TBC1D5: variants seen among roughly 807,000 people sequenced by gnomAD.
TBC1D5 encodes TBC1 domain family member 5, also known as TBC1 domain family, member 5.
In TBC1D5, 75 loss-of-function variants were observed where a neutral mutation model predicts 100.3. The observed-to-expected ratio is 0.75, with a 90% CI of 0.62 to 0.91. TBC1D5 has a LOEUF of 0.91. TBC1D5 is among the 40% of genes least tolerant of loss of function. The pLI, the probability that TBC1D5 is intolerant of heterozygous loss-of-function variation, is 0.00. For synonymous variants in TBC1D5, 323 were observed against 325.6 expected, an observed-to-expected ratio of 0.99 and a Z score of 0.09; for missense variants, 910 against 942.4, an observed-to-expected ratio of 0.97 and a Z score of 0.45.
intron 4 of TBC1D5, among the ~76,000 whole-genome samples, chr3:17,407,918 C>A (rs778944360): frequency 2.2e-4 from 34 of 152,084 alleles, no homozygotes; most frequent in Non-Finnish European, 4.3e-4. Flanking sequence ...AAAAATCTGG[C>A]TTTACTTTAA....
intron 13 of TBC1D5, among the ~76,000 whole-genome samples, chr3:17,323,478 A>G (rs1303199878): frequency 6.6e-6 from 1 of 151,902 alleles, no homozygotes. Flanking sequence ...CAACTGTACA[A>G]AAACAAAACA....
At chr3:17,241,311 A>T (rs2076290317) in intron 16 of TBC1D5, among the ~76,000 whole-genome samples, 1 of 152,228 alleles carries the variant, frequency 6.6e-6, no homozygotes, top group African/African-American at 2.4e-5. Flanking sequence ...CATGCGTGCT[A>T]AATTAATGAA....
intron 18 of TBC1D5, among the ~76,000 whole-genome samples, chr3:17,202,638 C>T (rs1405096980): frequency 6.6e-6 from 1 of 152,216 alleles, no homozygotes; most frequent in African/African-American, 2.4e-5. Flanking sequence ...GGCCCTGCTA[C>T]CCTGCACAAA....
intron 2 of TBC1D5, among the ~76,000 whole-genome samples, chr3:17,591,906 C>T (rs144799283): frequency 6.6e-6 from 1 of 152,344 alleles, no homozygotes; most frequent in East Asian, 1.9e-4. Context: ...CCCACTACAT[C>T]CCCATTCAAC....
At chr3:17,245,052 C>T (rs1000514560) in intron 16 of TBC1D5, among the ~76,000 whole-genome samples, 2 of 147,426 alleles carry the variant, frequency 1.4e-5, no homozygotes, top group African/African-American at 5.0e-5. Context: ...AAAAAGCCAG[C>T]CATGGTGGTG....
intron 9 of TBC1D5, among the ~76,000 whole-genome samples, chr3:17,377,579 A>T (rs1467702135): frequency 6.6e-6 from 1 of 152,040 alleles, no homozygotes; most frequent in Non-Finnish European, 1.5e-5. Flanking sequence ...CACCACTTTT[A>T]GAGGAAATAA....
exon 14 of TBC1D5, chr3:17,308,119 C>T (rs2083589854): frequency 6.3e-7 from 1 of 1,586,096 alleles, no homozygotes; most frequent in Non-Finnish European, 8.5e-7. Context: ...GTCCAAATAG[C>T]AGCCGCACCC....
intron 3 of TBC1D5, among the ~76,000 whole-genome samples, chr3:17,493,022 T>C (rs888088047): frequency 6.6e-6 from 1 of 152,232 alleles, no homozygotes; most frequent in Non-Finnish European, 1.5e-5. Flanking sequence ...AGTTGTTTCA[T>C]AGTGTCATTG....
intron 20 of TBC1D5, 72 bp downstream of exon 21, chr3:17,167,677 G>T: frequency 7.3e-7 from 1 of 1,362,910 alleles, no homozygotes; most frequent in African/African-American, 1.4e-5. Context: ...ACATCATGGT[G>T]CTCCATGCCC....
At chr3:17,361,373 C>A (rs1196661460) in intron 13 of TBC1D5, among the ~76,000 whole-genome samples, 1 of 151,840 alleles carries the variant, frequency 6.6e-6, no homozygotes, top group East Asian at 1.9e-4. Flanking sequence ...AACAAGCAGA[C>A]AGAAAAACAG....
At chr3:17,724,867 C>T (rs972142893) in intron 1 of TBC1D5, among the ~76,000 whole-genome samples, 1 of 152,078 alleles carries the variant, frequency 6.6e-6, no homozygotes, top group African/African-American at 2.4e-5. Context: ...AATTTCTTCA[C>T]TCATATATCT....
intron 17 of TBC1D5, among the ~76,000 whole-genome samples, chr3:17,216,561 G>C (rs894948675): frequency 1.3e-5 from 2 of 152,106 alleles, no homozygotes; most frequent in African/African-American, 4.8e-5. Flanking sequence ...CCTGAGGTTA[G>C]GAAAGAGTAG....
intron 3 of TBC1D5, among the ~76,000 whole-genome samples, chr3:17,456,569 C>T (rs1437696973): frequency 6.6e-6 from 1 of 152,130 alleles, no homozygotes; most frequent in Non-Finnish European, 1.5e-5. Context: ...TACCGATCAT[C>T]AGAGAAATGC....
chr3:17,665,958 T>C (rs1191351643), intron 1 of TBC1D5, among the ~76,000 whole-genome samples: 1 of 152,100 alleles, frequency 6.6e-6, no homozygotes, highest in Non-Finnish European at 1.5e-5. Flanking sequence ...ACTAGAAAAG[T>C]TTCCAAAAAG....
chr3:17,210,844 T>G (rs945545789), intron 18 of TBC1D5, among the ~76,000 whole-genome samples: 4 of 152,164 alleles, frequency 2.6e-5, no homozygotes, highest in African/African-American at 9.6e-5. Context: ...CTAATTTTCT[T>G]ATGTTTTTTC....
intron 12 of TBC1D5, among the ~76,000 whole-genome samples, chr3:17,372,674 A>C (rs1431126954): frequency 1.3e-5 from 2 of 152,214 alleles, no homozygotes; most frequent in African/African-American, 4.8e-5. Context: ...CAAAATGACC[A>C]CTATTAAGAA....
intron 2 of TBC1D5, among the ~76,000 whole-genome samples, chr3:17,531,057 G>A (rs2153381254): frequency 6.6e-6 from 1 of 152,312 alleles, no homozygotes; most frequent in South Asian, 2.1e-4. Flanking sequence ...CCTGTTTGCA[G>A]ATGACATGAT....
chr3:17,164,313 A>ACTAT (rs546017435), intron 21 of TBC1D5, among the ~76,000 whole-genome samples: 6 of 152,208 alleles, frequency 3.9e-5, no homozygotes, highest in Admixed American at 1.3e-4. Flanking sequence ...GCCCTTCTGC[A>ACTAT]CTATCTTTTA....
intron 1 of TBC1D5, among the ~76,000 whole-genome samples, chr3:17,682,389 C>T (rs2069613906): frequency 6.6e-6 from 1 of 151,524 alleles, no homozygotes; most frequent in Non-Finnish European, 1.5e-5. Context: ...AAGTAATCAT[C>T]TTTTACTGTC....
Sources: gnomAD v4.1 joint callset for allele counts (sites outside exome capture counted in the v4.1 genomes callset) on GRCh38, gnomAD v4.1.1 for gene constraint, MANE v1.5 for transcripts, NCBI Gene and HGNC (gene_info 2026-07-23, HGNC 2026-07-21) for gene names.